CCDC158: variants seen among roughly 807,000 people sequenced by gnomAD.
CCDC158 encodes coiled-coil domain-containing protein 158.
In CCDC158, 116 loss-of-function variants were observed where a neutral mutation model predicts 138.6. The observed-to-expected ratio is 0.84, with a 90% confidence interval of 0.72 to 0.98. The LOEUF is 0.98. CCDC158 is among the 50% of genes least tolerant of loss of function. The pLI, the probability that CCDC158 is intolerant of heterozygous loss-of-function variation, is 0.00. For missense variants in CCDC158, 1,265 were observed against 1,306.1 expected, an observed-to-expected ratio of 0.97 and a Z score of 0.48; for synonymous variants, 436 against 442.4, an observed-to-expected ratio of 0.99 and a Z score of 0.18.
At chr4:76,415,415 T>A (rs1407794573) in intron 1 of CCDC158, among the ~76,000 whole-genome samples, 1 of 152,010 alleles carries the variant, frequency 6.6e-6, no homozygotes, top group Admixed American at 6.6e-5. Context: ...TGGGGAGAAA[T>A]TCAAGCCGGC....
chr4:76,359,336 C>A (rs1000938584), intron 13 of CCDC158, among the ~76,000 whole-genome samples: 6 of 152,162 alleles, frequency 3.9e-5, no homozygotes, highest in Non-Finnish European at 1.5e-5. Context: ...TACTGCTCTA[C>A]AGATACCTGA....
At chr4:76,385,269 C>T (rs1334655317) in intron 4 of CCDC158, among the ~76,000 whole-genome samples, 1 of 151,746 alleles carries the variant, frequency 6.6e-6, no homozygotes, top group African/African-American at 2.4e-5. Flanking sequence ...AACAGAAAAC[C>T]AAAAACCACT....
intron 13 of CCDC158, among the ~76,000 whole-genome samples, chr4:76,361,421 G>A (rs1243873225): frequency 2.0e-5 from 3 of 152,060 alleles, no homozygotes; most frequent in Non-Finnish European, 4.4e-5. Flanking sequence ...AATTAGCCAG[G>A]CGTGGTGGTG....
intron 19 of CCDC158, among the ~76,000 whole-genome samples, chr4:76,332,870 G>C (rs921819212): frequency 3.3e-5 from 5 of 152,198 alleles, no homozygotes; most frequent in Non-Finnish European, 5.9e-5. Context: ...TAATCCCTCA[G>C]AATAATCAGT....
intron 15 of CCDC158, among the ~76,000 whole-genome samples, chr4:76,355,015 A>C (rs527341343): frequency 6.6e-6 from 1 of 152,326 alleles, no homozygotes; most frequent in African/African-American, 2.4e-5. Flanking sequence ...TTTATTACAC[A>C]ATTTTGCATA....
At position 76,361,493 on chromosome 4, in the gene CCDC158, C is replaced by T. The variant is rs535945190; in HGVS notation, c.2020+633G>A. On this transcript the variant is annotated intron_variant, in intron 13 of 24. Coordinates refer to ENST00000682701, the MANE Select transcript of CCDC158 (RefSeq NM_001394954.1). ...AGGAGAATGGCATGAACCCGGGAGG[C>T]GGAGCTTGCAGTGAGCTGAGATCAC... is the stretch of plus-strand genomic sequence containing the variant. Among the ~76,000 whole-genome samples, 35 of 152,268 alleles carry T rather than the reference C, an allele frequency of 2.3e-4. No individual in the cohort carries two copies. In the South Asian group the frequency reaches 6.0e-3, roughly 26 times the overall value.
chr4:76,371,799 A>G (rs10034279), intron 9 of CCDC158, among the ~76,000 whole-genome samples: 4,462 of 152,168 alleles, frequency 0.029, 220 homozygotes, highest in African/African-American at 0.1. Flanking sequence ...TTGGCCAGGC[A>G]TGGTAGTGGG....
At chr4:76,390,047 G>A (rs1727171628) in intron 4 of CCDC158, among the ~76,000 whole-genome samples, 1 of 152,124 alleles carries the variant, frequency 6.6e-6, no homozygotes. Context: ...ATTGGTAATA[G>A]TAAGCACACA....
At chr4:76,381,476 T>C (rs1726237790) in intron 8 of CCDC158, among the ~76,000 whole-genome samples, 3 of 152,266 alleles carry the variant, frequency 2.0e-5, no homozygotes, top group African/African-American at 7.2e-5. Context: ...GCAGCCCCTT[T>C]GTTTTGGCCT....
intron 16 of CCDC158, chr4:76,352,631 A>G (rs1723162261): frequency 6.6e-6 from 1 of 152,336 alleles, no homozygotes; most frequent in Non-Finnish European, 1.5e-5. Flanking sequence ...TCTCTACAAT[A>G]AACGGCAATG....
intron 18 of CCDC158, chr4:76,345,034 C>T (rs1722408051): frequency 7.3e-7 from 1 of 1,375,422 alleles, no homozygotes. Flanking sequence ...CTAATTATTA[C>T]AATAGGATCA....
At chr4:76,389,311 C>A (rs1276655588) in intron 4 of CCDC158, among the ~76,000 whole-genome samples, 1 of 151,736 alleles carries the variant, frequency 6.6e-6, no homozygotes, top group Non-Finnish European at 1.5e-5. Context: ...TTGAAAAATG[C>A]AATTGCTGTA....
intron 9 of CCDC158, among the ~76,000 whole-genome samples, chr4:76,374,415 C>A (rs564339816): frequency 6.6e-6 from 1 of 152,306 alleles, no homozygotes; most frequent in South Asian, 2.1e-4. Flanking sequence ...GGAATGGGTA[C>A]ATGAACATGA....
intron 15 of CCDC158, among the ~76,000 whole-genome samples, chr4:76,354,107 T>C (rs937029704): frequency 1.3e-5 from 2 of 152,150 alleles, no homozygotes; most frequent in Admixed American, 6.5e-5. Flanking sequence ...TTGGAGGGAA[T>C]ATCTTAGAGC....
chr4:76,419,177 A>C (rs1235815539), intron 1 of CCDC158, among the ~76,000 whole-genome samples: 1 of 152,160 alleles, frequency 6.6e-6, no homozygotes. Context: ...AATTGCTTTA[A>C]ATGCCAGACT....
At chr4:76,341,966 A>G (rs1722092349) in intron 18 of CCDC158, among the ~76,000 whole-genome samples, 1 of 152,208 alleles carries the variant, frequency 6.6e-6, no homozygotes. Context: ...TTTTATAAAC[A>G]TCAATCAGCT....
Position 76,363,859 on chromosome 4 carries a change from G to A in CCDC158, c.1831-1544C>T, listed in dbSNP as rs139227775. On this transcript the variant is annotated intron_variant, in intron 12 of 24. Coordinates refer to ENST00000682701, the MANE Select transcript of CCDC158 (RefSeq NM_001394954.1). ...ATACAACTCTGGCTCTGGTATGAAG[G>A]AAAACAGTGGTTGGCGTGGGGGTAG... Among the ~76,000 whole-genome samples, 594 of 152,252 alleles carry A rather than the reference G, an allele frequency of 3.9e-3. 4 individuals carry two copies. The highest frequency in any genetic ancestry group is 9.8e-3 in the South Asian group (47 of 4,816).
At chr4:76,316,358 C>T (rs1332171118) in intron 24 of CCDC158, among the ~76,000 whole-genome samples, 2 of 152,066 alleles carry the variant, frequency 1.3e-5, no homozygotes, top group Non-Finnish European at 2.9e-5. Flanking sequence ...GAAGAGAGAC[C>T]TTCAGAACTT....
At chr4:76,360,628 C>T (rs183591441) in intron 13 of CCDC158, among the ~76,000 whole-genome samples, 4 of 152,318 alleles carry the variant, frequency 2.6e-5, no homozygotes, top group Admixed American at 2.6e-4. Context: ...GACTGCCCTG[C>T]TGGGTTTCAG....
Sources: gnomAD v4.1 joint callset for allele counts (sites outside exome capture counted in the v4.1 genomes callset) on GRCh38, gnomAD v4.1.1 for gene constraint, MANE v1.5 for transcripts, NCBI Gene and HGNC (gene_info 2026-07-23, HGNC 2026-07-21) for gene names.